The following VEGFC variants were observed in gnomAD, a reference collection of about 807,000 sequenced individuals.
VEGFC encodes the protein vascular endothelial growth factor C.
VEGFC carries 12 observed loss-of-function variants against 46.1 expected under a neutral mutation model. That is an observed-to-expected ratio of 0.26 (90% CI 0.17 to 0.42). The LOEUF (loss-of-function observed/expected upper bound fraction) is 0.42, where lower values mean the gene tolerates loss of function less well. Ranked by LOEUF, VEGFC falls within the 10% of genes least tolerant of loss-of-function variation. The probability of loss-of-function intolerance (pLI) is 1.00; values close to 1 mark genes in which losing one functional copy is unlikely to be tolerated. For synonymous variants in VEGFC, 232 were observed against 195.5 expected (o/e 1.19, Z -1.56); for missense variants, 488 against 529.4 (o/e 0.92, Z 0.77).
At chr4:176,755,760 A>G (rs118030680) in intron 1 of VEGFC, among the ~76,000 whole-genome samples, 3 of 152,020 alleles carry the variant, frequency 2.0e-5, no homozygotes, top group Admixed American at 6.6e-5. Context: ...TATTCAACCC[A>G]TACGTTAATT....
intron 3 of VEGFC, among the ~76,000 whole-genome samples, chr4:176,715,947 A>G (rs953767631): frequency 6.6e-6 from 1 of 152,092 alleles, no homozygotes; most frequent in African/African-American, 2.4e-5. Flanking sequence ...TGGATCTTCA[A>G]TTTACTACTT....
chr4:176,755,900 G>A (rs1191565687), intron 1 of VEGFC, among the ~76,000 whole-genome samples: 9 of 151,886 alleles, frequency 5.9e-5, no homozygotes, highest in Admixed American at 3.3e-4. Flanking sequence ...CATTGTCAAC[G>A]CATTACAGTA....
intron 4 of VEGFC, among the ~76,000 whole-genome samples, chr4:176,708,688 G>A (rs1195825960): frequency 2.0e-5 from 3 of 152,064 alleles, no homozygotes; most frequent in African/African-American, 7.2e-5. Context: ...TATACACAGA[G>A]ACACACTATG....
At chr4:176,762,119 G>A (rs1415237442) in intron 1 of VEGFC, among the ~76,000 whole-genome samples, 2 of 152,120 alleles carry the variant, frequency 1.3e-5, no homozygotes, top group Non-Finnish European at 2.9e-5. Flanking sequence ...CAGAACATGA[G>A]GCCTGAAACT....
At chr4:176,744,457 C>T (rs1481753875) in intron 1 of VEGFC, among the ~76,000 whole-genome samples, 1 of 151,968 alleles carries the variant, frequency 6.6e-6, no homozygotes, top group Non-Finnish European at 1.5e-5. Context: ...ACTCTCCATT[C>T]CGTTTATAAC....
chr4:176,762,472 TGC>T (rs757371146), intron 1 of VEGFC, among the ~76,000 whole-genome samples: 51 of 152,302 alleles, frequency 3.3e-4, no homozygotes, highest in Admixed American at 7.2e-4. Context: ...GCTCCTGACC[TGC>T]CAGCAACTTG....
At chr4:176,697,892 A>C (rs1285379212) in intron 4 of VEGFC, among the ~76,000 whole-genome samples, 1 of 150,882 alleles carries the variant, frequency 6.6e-6, no homozygotes, top group African/African-American at 2.5e-5. Context: ...AGAACAAAAA[A>C]CCAAACACCG....
chr4:176,687,640 C>T, intron 5 of VEGFC, 120 bp from the exon 6 acceptor site: 1 of 1,109,400 alleles, frequency 9.0e-7, no homozygotes, highest in East Asian at 2.6e-5. Flanking sequence ...TGGGTACAAA[C>T]ATGAGTATGT....
chr4:176,747,240 A>C (rs1735272607), intron 1 of VEGFC, among the ~76,000 whole-genome samples: 1 of 152,106 alleles, frequency 6.6e-6, no homozygotes, highest in African/African-American at 2.4e-5. Context: ...TGAAGGCATG[A>C]ACTGAATATG....
At chr4:176,712,418 T>C (rs1476538738) in intron 3 of VEGFC, among the ~76,000 whole-genome samples, 2 of 152,156 alleles carry the variant, frequency 1.3e-5, no homozygotes, top group African/African-American at 4.8e-5. Context: ...CTCTTCCTTC[T>C]CCAAAAACAA....
At chr4:176,716,926 G>T (rs1460976285) in intron 3 of VEGFC, among the ~76,000 whole-genome samples, 1 of 152,046 alleles carries the variant, frequency 6.6e-6, no homozygotes, top group African/African-American at 2.4e-5. Context: ...AGTATTTTCT[G>T]TTCTACATTT....
chr4:176,729,011 A>G (rs1734918705), intron 2 of VEGFC, among the ~76,000 whole-genome samples: 1 of 152,084 alleles, frequency 6.6e-6, no homozygotes. Flanking sequence ...ATACCCCACC[A>G]ATTGATGCTA....
At chr4:176,767,736 C>A (rs1735651942) in intron 1 of VEGFC, among the ~76,000 whole-genome samples, 1 of 152,142 alleles carries the variant, frequency 6.6e-6, no homozygotes, top group Non-Finnish European at 1.5e-5. Context: ...AAGTAGGGAA[C>A]TATTCTAGGG....
intron 1 of VEGFC, among the ~76,000 whole-genome samples, chr4:176,740,084 TCTATATA>T (rs1735134602): frequency 1.1e-5 from 1 of 93,562 alleles, no homozygotes; most frequent in Non-Finnish European, 2.2e-5. Context: ...TATTATATAT[TCTATATA>T]TTCTATACAT....
Position 176,723,347 on chromosome 4 carries a change from T to C in VEGFC, c.552+4431A>G, listed in dbSNP as rs187872239. Among the ~76,000 whole-genome samples the C allele has an allele frequency of 3.3e-3, 496 of 152,152 alleles. 4 individuals are homozygous for C. Among genetic ancestry groups the C allele is most frequent in the Admixed American group, 7.8e-3 (119 of 15,284 alleles). Reference sequence around the variant, plus strand: ...TATATATATACATACATATATAAAGTTTATATTTAGGTTTGGGGGTCCATG... The same window carrying C: ...TATATATATACATACATATATAAAGCTTATATTTAGGTTTGGGGGTCCATG... On this transcript the variant is annotated intron_variant, in intron 3 of 6. Coordinates refer to ENST00000618562, the MANE Select transcript of VEGFC (RefSeq NM_005429.5).
intron 4 of VEGFC, among the ~76,000 whole-genome samples, chr4:176,689,991 C>T (rs988981162): frequency 3.3e-5 from 5 of 152,108 alleles, no homozygotes; most frequent in East Asian, 1.9e-4. Context: ...CCATTTAGAA[C>T]AGAAATGTGC....
At chr4:176,779,145 A>T (rs911201238) in intron 1 of VEGFC, among the ~76,000 whole-genome samples, 1 of 152,240 alleles carries the variant, frequency 6.6e-6, no homozygotes, top group African/African-American at 2.4e-5. Context: ...ATATAATAAC[A>T]TCATGTATAA....
chr4:176,736,749 ATTGT>A (rs1162401100), intron 1 of VEGFC, among the ~76,000 whole-genome samples: 4 of 151,784 alleles, frequency 2.6e-5, no homozygotes, highest in South Asian at 2.1e-4. Flanking sequence ...ATTTTGCATA[ATTGT>A]TTGTTAAATA....
intron 1 of VEGFC, among the ~76,000 whole-genome samples, chr4:176,778,350 G>T (rs139578774): frequency 6.6e-6 from 1 of 151,618 alleles, no homozygotes; most frequent in East Asian, 1.9e-4. Flanking sequence ...TTATAATTGG[G>T]AGCAAGAAAG....
Sources: allele counts gnomAD v4.1 joint callset (sites outside exome capture counted in the v4.1 genomes callset), GRCh38; gene constraint gnomAD v4.1.1; transcripts MANE v1.5; gene names NCBI Gene and HGNC (gene_info 2026-07-23, HGNC 2026-07-21).